The following SLC9A3 variants were observed in gnomAD, a reference collection of about 807,000 sequenced individuals.
SLC9A3 encodes the protein solute carrier family 9 member A3, also known as sodium/hydrogen exchanger 3.
A neutral mutation model predicts 86.8 loss-of-function variants in SLC9A3; 37 were observed. The ratio of observed to expected loss-of-function variants is 0.43; its 90% CI spans 0.33 to 0.56. The LOEUF is 0.56. SLC9A3 is among the 20% of genes least tolerant of loss of function. The pLI, the probability that SLC9A3 is intolerant of heterozygous loss-of-function variation, is 0.06. For missense variants in SLC9A3, 1,011 were observed against 1,171.9 expected, an observed-to-expected ratio of 0.86 and a Z score of 2.00; for synonymous variants, 581 against 528.3, an observed-to-expected ratio of 1.10 and a Z score of -1.37.
chr5:506,790 G>T (rs187983553), intron 1 of SLC9A3, among the ~76,000 whole-genome samples: 1 of 152,036 alleles, frequency 6.6e-6, no homozygotes, highest in Non-Finnish European at 1.5e-5. Flanking sequence ...ATTGGGGGCC[G>T]GGCGCGGTGG....
rs763601307 is a variant in SLC9A3 at position 473,347 on chromosome 5, A to G, written c.*32T>C. The G allele has an allele frequency of 2.1e-6, 3 of 1,415,742 alleles. No individual in the cohort carries two copies. The East Asian group carries it at 9.2e-5, about 44-fold the overall frequency. The allele number at this position is 1,415,742 out of a possible 1,614,324, so 87.7% of individuals were successfully genotyped here. On this transcript the variant is annotated 3_prime_UTR_variant, in exon 17 of 17. Transcript: ENST00000264938. Reference sequence around the variant, plus strand: ...GTGGGCGGACCGTGGCGCGGGGACGAGCGGCCGGTTAGCGGCGTGTCGGAG... The same window carrying G: ...GTGGGCGGACCGTGGCGCGGGGACGGGCGGCCGGTTAGCGGCGTGTCGGAG...
chr5:504,381 C>T (rs2126642947), intron 1 of SLC9A3, among the ~76,000 whole-genome samples: 1 of 152,342 alleles, frequency 6.6e-6, no homozygotes, highest in South Asian at 2.1e-4. Flanking sequence ...GGGGCTGCAG[C>T]CAGGGCCCAG....
rs1173330148 is a variant in SLC9A3 at position 512,181 on chromosome 5, G to A, written c.211+11931C>T. Among the ~76,000 whole-genome samples the A allele has an allele frequency of 2.0e-5, 3 of 152,318 alleles. No homozygotes were observed. In the East Asian group the frequency reaches 5.8e-4, roughly 29 times the overall value. On this transcript the variant is annotated intron_variant, in intron 1 of 16. Coordinates refer to ENST00000264938, the MANE Select transcript of SLC9A3 (RefSeq NM_004174.4). ...TCCTCTGGATGAGACTGTAATGCTG[G>A]ATCCATGTCGTTGTACCCATGTCCA...
In SLC9A3 at chr5:473,292, T is replaced by G. The variant is rs1412251379; in HGVS notation, c.*87A>C. ...CGGTCGCTGTAGCCGCGCGGGGATC[T>G]GGGGTTTCTCTGGGACAGCGGCGGC... On this transcript the variant is annotated 3_prime_UTR_variant, in exon 17 of 17. Transcript: ENST00000264938. The G allele has an allele frequency of 1.7e-5, 22 of 1,309,368 alleles. No homozygotes were observed. The highest frequency in any genetic ancestry group is 2.2e-5 in the Non-Finnish European group (22 of 1,018,292). The allele number at this position is 1,309,368 out of a possible 1,614,324, so 81.1% of individuals were successfully genotyped here. A position where few individuals can be genotyped will look rare whatever the true frequency, so the allele number is the denominator to read the frequency against.
In SLC9A3 at chr5:475,639, TG is replaced by T. The variant is rs1560948293; in HGVS notation, c.2172del (p.Asn725ThrfsTer6). 1 of 1,551,768 alleles carries T rather than the reference TG, an allele frequency of 6.4e-7. No homozygotes were observed. Among genetic ancestry groups the T allele is most frequent in the Non-Finnish European group, 8.7e-7 (1 of 1,146,860 alleles). On this transcript the variant is annotated frameshift_variant, in exon 15 of 17. Transcript: ENST00000264938. LOFTEE classifies it high-confidence loss of function. ...CCCCCACTCATCTCCTCATCATAGT[TG>T]GGGGGCTCCTCGGTGTCTGAAAGTT... ...DLELSDTEEPPNYDEEMSGGI... is the reference protein window; with the variant it reads ...DLELSDTEEPXNYDEEMSGGI...
intron 15 of SLC9A3, 48 bp downstream of exon 15, chr5:475,513 G>GT: frequency 8.4e-7 from 1 of 1,184,156 alleles, no homozygotes; most frequent in Non-Finnish European, 1.2e-6. Context: ...TCCTGGGGCG[G>GT]CAGGAGCCAC....
intron 15 of SLC9A3, 28 bp from the exon 16 acceptor site, chr5:475,160 C>A (rs2126602881): frequency 6.5e-7 from 1 of 1,542,772 alleles, no homozygotes. Context: ...GGCTAGTCAG[C>A]CTTCGGAGAG....
chr5:521,391 T>C (rs1733879881), intron 1 of SLC9A3, among the ~76,000 whole-genome samples: 1 of 152,234 alleles, frequency 6.6e-6, no homozygotes, highest in Admixed American at 6.5e-5. Flanking sequence ...AGAAATCTCC[T>C]GGGATCAACA....
At chr5:520,930 G>C (rs1226838608) in intron 1 of SLC9A3, among the ~76,000 whole-genome samples, 1 of 152,212 alleles carries the variant, frequency 6.6e-6, no homozygotes, top group East Asian at 1.9e-4. Flanking sequence ...GGACGGTGCA[G>C]GGTGAGGCGG....
chr5:510,862 G>A (rs943241541), intron 1 of SLC9A3, among the ~76,000 whole-genome samples: 9 of 152,222 alleles, frequency 5.9e-5, no homozygotes, highest in Admixed American at 1.3e-4. Flanking sequence ...TCTAGGCACT[G>A]CTGTGCTCCA....
chr5:523,187 C>T (rs959766440), intron 1 of SLC9A3, among the ~76,000 whole-genome samples: 3 of 152,178 alleles, frequency 2.0e-5, no homozygotes, highest in Non-Finnish European at 2.9e-5. Context: ...GCGCCTTCTC[C>T]AATCAAGCCT....
Position 507,226 on chromosome 5 carries a change from T to G in SLC9A3, c.212-15155A>C, listed in dbSNP as rs1470530603. On this transcript the variant is annotated intron_variant, in intron 1 of 16. Coordinates refer to ENST00000264938, the MANE Select transcript of SLC9A3 (RefSeq NM_004174.4). ...CTCTGTTGCCCAGGCTGGAGTGCGG[T>G]GGCGCGATCTGGGCTCACTGCAAGC... Among the ~76,000 whole-genome samples, 107 of 108,120 alleles carry G rather than the reference T, an allele frequency of 9.9e-4. 2 individuals carry two copies. Among genetic ancestry groups the G allele is most frequent in the African/African-American group, 4.2e-3 (106 of 25,404 alleles). 70.9% of individuals were successfully genotyped at this position (108,120 alleles called of 152,430 possible). A position where few individuals can be genotyped will look rare whatever the true frequency, so the allele number is the denominator to read the frequency against.
chr5:514,277 C>T (rs1306313542), intron 1 of SLC9A3, among the ~76,000 whole-genome samples: 1 of 152,220 alleles, frequency 6.6e-6, no homozygotes, highest in Non-Finnish European at 1.5e-5. Flanking sequence ...CACACACTCC[C>T]TCTTCCTCCC....
At chr5:514,489 C>T (rs1316921605) in intron 1 of SLC9A3, among the ~76,000 whole-genome samples, 1 of 152,216 alleles carries the variant, frequency 6.6e-6, no homozygotes, top group Non-Finnish European at 1.5e-5. Flanking sequence ...CTGTCGGGGG[C>T]TTTGCTCACT....
At chr5:502,643 G>A (rs373012554) in intron 1 of SLC9A3, among the ~76,000 whole-genome samples, 13 of 152,328 alleles carry the variant, frequency 8.5e-5, no homozygotes, top group South Asian at 4.1e-4. Flanking sequence ...GGATAGAAAA[G>A]AAACGTTCTC....
intron 1 of SLC9A3, among the ~76,000 whole-genome samples, chr5:512,779 G>A (rs1461737355): frequency 6.6e-6 from 1 of 152,182 alleles, no homozygotes; most frequent in African/African-American, 2.4e-5. Flanking sequence ...CAGCATTCCA[G>A]GCAGAGAACG....
In SLC9A3 at chr5:483,500, C is replaced by A. The variant is rs1263601731; in HGVS notation, c.933-18G>T. The A allele has an allele frequency of 1.3e-6, 2 of 1,543,548 alleles. No individual in the cohort carries two copies. The highest frequency in any genetic ancestry group is 1.8e-6 in the Non-Finnish European group (2 of 1,138,550). ...AGGTGATGCTGCAGGGACAGACGCG[C>A]CTCAGGACACGGCCACCTGGCCTGG... On this transcript the variant is annotated intron_variant, in intron 5 of 16. Coordinates refer to ENST00000264938, the MANE Select transcript of SLC9A3 (RefSeq NM_004174.4).
chr5:482,767 G>C lies in SLC9A3; in HGVS notation c.1154-17C>G, dbSNP rs147476976. The C allele has an allele frequency of 5.7e-6, 9 of 1,578,114 alleles. No individual in the cohort carries two copies. The highest frequency in any genetic ancestry group is 7.7e-6 in the Non-Finnish European group (9 of 1,161,672). On this transcript the variant is annotated splice_polypyrimidine_tract_variant and intron_variant, in intron 6 of 16. Coordinates refer to ENST00000264938, the MANE Select transcript of SLC9A3 (RefSeq NM_004174.4). ...GGACCACACCTGCGGATGATGGGGC[G>C]GGCACTCAGCTCCCCGGCCGCCCTC...
At chr5:492,107 T>A (rs1579795054) in intron 1 of SLC9A3, 36 bp from the exon 2 acceptor site, 1 of 1,110,060 alleles carries the variant, frequency 9.0e-7, no homozygotes, top group African/African-American at 2.3e-5. Context: ...GGCCGGGCTG[T>A]GAGGGAGGGG....
Sources: gnomAD v4.1 joint callset for allele counts (sites outside exome capture counted in the v4.1 genomes callset) on GRCh38, gnomAD v4.1.1 for gene constraint, MANE v1.5 for transcripts, NCBI Gene and HGNC (gene_info 2026-07-23, HGNC 2026-07-21) for gene names.